The following DNAH7 variants were observed in gnomAD, a reference collection of about 807,000 sequenced individuals.
DNAH7 encodes the protein dynein axonemal heavy chain 7, also known as axonemal beta dynein heavy chain 7.
In DNAH7, 397 loss-of-function variants were observed where a neutral mutation model predicts 444.6. The observed-to-expected ratio is 0.89, with a 90% confidence interval of 0.82 to 0.97. The LOEUF (loss-of-function observed/expected upper bound fraction) is 0.97. Among genes scored for constraint, DNAH7 ranks in the 50% least tolerant of loss-of-function variants. DNAH7 has a pLI of 0.00. For synonymous variants in DNAH7, 1,636 were observed against 1,624.4 expected (o/e 1.01, Z -0.17); for missense variants, 4,902 against 4,800.8 (o/e 1.02, Z -0.62).
intron 2 of DNAH7, among the ~76,000 whole-genome samples, chr2:196,056,282 T>TA (rs1192230516): frequency 6.6e-6 from 1 of 151,780 alleles, no homozygotes; most frequent in African/African-American, 2.4e-5. Context: ...ACATCTCTAC[T>TA]AAAAATACAA....
At chr2:196,036,014 G>C (rs1181958704) in intron 5 of DNAH7, among the ~76,000 whole-genome samples, 3 of 150,130 alleles carry the variant, frequency 2.0e-5, no homozygotes, top group African/African-American at 7.3e-5. Flanking sequence ...AACAGTACCT[G>C]CATCTCCACA....
intron 10 of DNAH7, among the ~76,000 whole-genome samples, chr2:196,003,022 A>C (rs937896326): frequency 6.6e-6 from 1 of 152,068 alleles, no homozygotes; most frequent in African/African-American, 2.4e-5. Flanking sequence ...AAGAAAAAAA[A>C]AAAAGATGGT....
At chr2:195,838,852 G>A (rs557237104) in intron 47 of DNAH7, among the ~76,000 whole-genome samples, 2 of 151,932 alleles carry the variant, frequency 1.3e-5, no homozygotes, top group East Asian at 3.9e-4. Context: ...GGGGACATAT[G>A]CAACAACAAA....
chr2:195,769,227 C>G (rs191335396), intron 61 of DNAH7, among the ~76,000 whole-genome samples: 24 of 152,074 alleles, frequency 1.6e-4, no homozygotes, highest in Admixed American at 2.6e-4. Context: ...AATAAAGCAA[C>G]TCCATCTTGT....
rs770960523 is a variant in DNAH7, at chr2:195,886,262, G to C, written c.5417C>G (p.Pro1806Arg). The change falls in exon 34 of 65, where the codon CCT becomes CGT. Residue 1806 changes from proline (P) to arginine (R), a missense_variant. By Grantham distance (103) the Pro-to-Arg change is moderately radical (BLOSUM62 -2). Transcript: ENST00000312428. ...FIRKHTKELS[P>R]TSDTNLVRSL... ...CCGGACCAAGTTTGTATCGGAAGTA[G>C]GAGATAATTCCTGAAAAGTCAGTAA... 2 of 1,610,504 alleles carry C rather than the reference G, an allele frequency of 1.2e-6. No homozygotes were observed. The highest frequency in any genetic ancestry group is 2.7e-5 in the African/African-American group (2 of 74,776).
At chr2:195,918,628 C>G (rs1422209939) in intron 24 of DNAH7, among the ~76,000 whole-genome samples, 1 of 152,132 alleles carries the variant, frequency 6.6e-6, no homozygotes, top group East Asian at 1.9e-4. Context: ...ATGGAGGAAA[C>G]TTAAATGCAT....
rs377553964 is a variant in DNAH7, at chr2:195,891,686, G to A, written c.5015C>T (p.Ala1672Val). The change falls in exon 31 of 65, where the codon GCT becomes GTT. Residue 1672 changes from alanine to valine, a missense_variant. Coordinates refer to ENST00000312428, the MANE Select transcript of DNAH7 (RefSeq NM_018897.3). ...AGAGGCAAATGCTCTAAAACTGACA[G>A]CAAGGACCCCATCAGACCATTCATG... ...VSHEWSDGVLAVSFRAFASSV... is the reference protein window; with the variant it reads ...VSHEWSDGVLVVSFRAFASSV... The A allele has an allele frequency of 6.3e-7, 1 of 1,594,968 alleles. No individual in the cohort carries two copies. Among genetic ancestry groups the A allele is most frequent in the Non-Finnish European group, 8.5e-7 (1 of 1,172,002 alleles).
At chr2:195,938,993 C>A (rs1019096541) in intron 19 of DNAH7, among the ~76,000 whole-genome samples, 1 of 152,130 alleles carries the variant, frequency 6.6e-6, no homozygotes, top group East Asian at 1.9e-4. Flanking sequence ...ACTCTATTCC[C>A]CACTACCTGT....
chr2:195,964,919 T>G (rs542931536), intron 17 of DNAH7, among the ~76,000 whole-genome samples: 15 of 150,612 alleles, frequency 1.0e-4, no homozygotes, highest in African/African-American at 3.7e-4. Flanking sequence ...ACAAGGAAAA[T>G]ATGACTTCTT....
intron 21 of DNAH7, among the ~76,000 whole-genome samples, chr2:195,934,155 G>C (rs906302597): frequency 7.2e-5 from 11 of 152,104 alleles, no homozygotes; most frequent in African/African-American, 2.7e-4. Context: ...TTAATTGTAG[G>C]AAGCATACAT....
chr2:196,048,378 C>T lies in DNAH7; in HGVS notation c.168G>A (p.Gln56=). The T allele has an allele frequency of 6.2e-7, 1 of 1,614,000 alleles. No homozygotes were observed. The highest frequency in any genetic ancestry group is 8.5e-7 in the Non-Finnish European group (1 of 1,179,924). ...SMVSTKPHWQ[Q]AAPSFHLSVK... ...CACTCAAATGGAATGATGGAGCTGC[C>T]TGCTGCCAGTGGGGCTTTGTACTCA... The change falls in exon 4 of 65, where the codon CAG becomes CAA. Residue 56 remains glutamine, a synonymous_variant. Coordinates refer to ENST00000312428, the MANE Select transcript of DNAH7 (RefSeq NM_018897.3).
chr2:195,922,603 C>T (rs574166811), intron 23 of DNAH7, among the ~76,000 whole-genome samples: 2 of 152,230 alleles, frequency 1.3e-5, no homozygotes, highest in Non-Finnish European at 2.9e-5. Flanking sequence ...GTACTAAATA[C>T]GCTGCCCCTC....
chr2:195,948,623 A>T (rs1689991245), intron 19 of DNAH7, among the ~76,000 whole-genome samples: 2 of 152,100 alleles, frequency 1.3e-5, no homozygotes, highest in African/African-American at 2.4e-5. Context: ...GTGATTTCTG[A>T]GGTCTCTGTT....
At chr2:196,048,717 GA>G (rs1697284591) in intron 3 of DNAH7, among the ~76,000 whole-genome samples, 1 of 152,200 alleles carries the variant, frequency 6.6e-6, no homozygotes, top group African/African-American at 2.4e-5. Flanking sequence ...ATTTTAATGA[GA>G]AGTGCTCTCT....
intron 63 of DNAH7, among the ~76,000 whole-genome samples, chr2:195,743,839 G>T (rs148982446): frequency 6.6e-6 from 1 of 152,230 alleles, no homozygotes; most frequent in African/African-American, 2.4e-5. Flanking sequence ...AGATTTTGCA[G>T]AAATGTATCA....
At chr2:195,834,183 A>C (rs766428278) in intron 48 of DNAH7, 23 bp downstream of exon 48, 2 of 1,594,258 alleles carry the variant, frequency 1.3e-6, no homozygotes, top group Admixed American at 3.4e-5. Flanking sequence ...TCTGTAATGT[A>C]TCTTAGTTAT....
At chr2:195,818,608 G>A (rs576415970) in intron 49 of DNAH7, among the ~76,000 whole-genome samples, 109 of 152,166 alleles carry the variant, frequency 7.2e-4, no homozygotes, top group Non-Finnish European at 1.3e-3. Context: ...CTTTCGAAAC[G>A]ACACTTATTG....
At position 195,901,501 on chromosome 2, in the gene DNAH7, A is replaced by G. The variant is rs137876862; in HGVS notation, c.4336-1007T>C. 1.5e-3 allele frequency: 228 copies of G among 152,248 alleles called. 1 individual carries two copies. Among genetic ancestry groups the G allele is most frequent in the African/African-American group, 5.0e-3 (208 of 41,546 alleles). The allele number at this position is 152,248 out of a possible 1,614,324, so 9.4% of individuals were successfully genotyped here. A position where few individuals can be genotyped will look rare whatever the true frequency, so the allele number is the denominator to read the frequency against. On this transcript the variant is annotated intron_variant, in intron 27 of 64. Coordinates refer to ENST00000312428, the MANE Select transcript of DNAH7 (RefSeq NM_018897.3). The stretch of plus-strand genomic sequence containing the variant: ...CAATTCTTTTTCGTCTAAGTGTTCA[A>G]TTTCAATTACATTATATTCTTCATG...
intron 24 of DNAH7, among the ~76,000 whole-genome samples, chr2:195,921,796 A>C (rs1688042616): frequency 6.6e-6 from 1 of 152,204 alleles, no homozygotes; most frequent in South Asian, 2.1e-4. Flanking sequence ...GGGAACAATA[A>C]AATGACTCAA....
Sources: gnomAD v4.1 joint callset for allele counts (sites outside exome capture counted in the v4.1 genomes callset) on GRCh38, gnomAD v4.1.1 for gene constraint, MANE v1.5 for transcripts, NCBI Gene and HGNC (gene_info 2026-07-23, HGNC 2026-07-21) for gene names.